Variants in DNAAF11 observed in about 807,000 individuals in gnomAD.
The protein encoded by DNAAF11 is dynein axonemal assembly factor 11.
In DNAAF11, 45 loss-of-function variants were observed where a neutral mutation model predicts 60.8. That is an observed-to-expected ratio of 0.74 (90% CI 0.58 to 0.95). The LOEUF (loss-of-function observed/expected upper bound fraction) is 0.95. DNAAF11 is among the 40% of genes least tolerant of loss of function. The pLI is 0.00. For synonymous variants in DNAAF11, 191 were observed against 183.5 expected (o/e 1.04, Z -0.33); for missense variants, 546 against 546.2 (o/e 1.00, Z 0.00).
intron 1 of DNAAF11, among the ~76,000 whole-genome samples, chr8:132,667,182 T>C (rs62514516): frequency 6.6e-6 from 1 of 152,222 alleles, no homozygotes; most frequent in Non-Finnish European, 1.5e-5. Flanking sequence ...TGTGTAGTGT[T>C]GTCATGAAAA....
the DNAAF11 span, among the ~76,000 whole-genome samples, chr8:132,693,672 G>A: frequency 1.3e-5 from 2 of 152,028 alleles, no homozygotes; most frequent in Admixed American, 1.3e-4. Context: ...GGGAAAGCAA[G>A]CAGAGGAAGG....
At chr8:132,628,869 A>T (rs1265204129) in intron 5 of DNAAF11, among the ~76,000 whole-genome samples, 1 of 152,194 alleles carries the variant, frequency 6.6e-6, no homozygotes, top group Non-Finnish European at 1.5e-5. Flanking sequence ...TTTATAAACC[A>T]AGGATAGTAA....
In DNAAF11 at chr8:132,610,271, AG is replaced by A; in HGVS notation, c.1045-11del. Reference sequence around the variant, plus strand: ...GGACAAGCTGAAATGGCTGAAAATAAGTAGAAAGAAAGTATCATTGAGAGCA... The same window carrying A: ...GGACAAGCTGAAATGGCTGAAAATAATAGAAAGAAAGTATCATTGAGAGCA... On this transcript the variant is annotated splice_polypyrimidine_tract_variant and intron_variant, in intron 9 of 11. Coordinates refer to ENST00000620350, the MANE Select transcript of DNAAF11 (RefSeq NM_012472.6). 1.3e-6 allele frequency: 2 copies of A among 1,590,556 alleles called. No individual in the cohort carries two copies. Among genetic ancestry groups the A allele is most frequent in the Non-Finnish European group, 1.7e-6 (2 of 1,158,628 alleles).
rs397515425 is a variant in DNAAF11 at position 132,632,816 on chromosome 8, C to CT, written c.576dup (p.Glu193ArgfsTer4). ...CTCTTGTCTTCATTTTTATCCTCTT[C>CT]TTGGTGTTTCCTCTGAGCCTCTTCC... On this transcript the variant is annotated frameshift_variant, in exon 5 of 12. Transcript: ENST00000620350. LOFTEE classifies it high-confidence loss of function. 2 of 1,613,994 alleles carry CT rather than the reference C, an allele frequency of 1.2e-6. No individual in the cohort carries two copies. The highest frequency in any genetic ancestry group is 1.7e-6 in the Non-Finnish European group (2 of 1,179,912).
At chr8:132,667,350 C>G (rs1824736273) in intron 1 of DNAAF11, among the ~76,000 whole-genome samples, 1 of 152,088 alleles carries the variant, frequency 6.6e-6, no homozygotes, top group African/African-American at 2.4e-5. Context: ...TTAAGTAAAG[C>G]CCTTAGCACA....
At position 132,574,509 on chromosome 8, in the gene DNAAF11, G is replaced by A. The variant is rs549456195; in HGVS notation, c.1227-2029C>T. 5.3e-5 allele frequency among the ~76,000 whole-genome samples: 8 copies of A among 152,324 alleles called. No homozygotes were observed. The East Asian group carries it at 1.5e-3, about 29-fold the overall frequency. ...CTTCCCTGATGGACATTTCATATGT[G>A]TTGTTGCAACCCATTGCAGGAGGAA... On this transcript the variant is annotated intron_variant, in intron 11 of 11. Coordinates refer to ENST00000620350, the MANE Select transcript of DNAAF11 (RefSeq NM_012472.6).
chr8:132,632,799 T>C lies in DNAAF11; in HGVS notation c.594A>G (p.Glu198=). 6.2e-7 allele frequency: 1 copy of C among 1,614,042 alleles called. No individual in the cohort carries two copies. The change falls in exon 5 of 12, where the codon GAA becomes GAG. Residue 198 remains glutamate, a synonymous_variant. Transcript: ENST00000620350. Reference sequence around the variant, plus strand: ...CAAAGCCTGCGTTACTTCTCTTGTCTTCATTTTTATCCTCTTCTTGGTGTT... The same window carrying C: ...CAAAGCCTGCGTTACTTCTCTTGTCCTCATTTTTATCCTCTTCTTGGTGTT... ...QRKHQEEDKN[E]DKRSNAGFDG... is the part of the protein sequence containing the mutation.
At chr8:132,578,912 G>A (rs1437475742) in intron 11 of DNAAF11, among the ~76,000 whole-genome samples, 2 of 152,216 alleles carry the variant, frequency 1.3e-5, no homozygotes, top group Non-Finnish European at 2.9e-5. Context: ...AGCATGCCAG[G>A]TGGGCAGTCT....
At chr8:132,670,482 T>C (rs1234661087) in intron 1 of DNAAF11, among the ~76,000 whole-genome samples, 1 of 152,188 alleles carries the variant, frequency 6.6e-6, no homozygotes, top group East Asian at 1.9e-4. Flanking sequence ...TTAAAAACCT[T>C]TCTTTCCACA....
chr8:132,613,353 A>C (rs899351487), intron 8 of DNAAF11, among the ~76,000 whole-genome samples: 1 of 152,246 alleles, frequency 6.6e-6, no homozygotes, highest in Admixed American at 6.5e-5. Flanking sequence ...TGGCCATAAA[A>C]AGGAAGGAAA....
chr8:132,617,268 G>A (rs1177049360), intron 7 of DNAAF11, among the ~76,000 whole-genome samples: 1 of 152,090 alleles, frequency 6.6e-6, no homozygotes, highest in Non-Finnish European at 1.5e-5. Context: ...AGGGAAGACA[G>A]CTGAGGAGTT....
chr8:132,586,321 C>T (rs1371247931), intron 10 of DNAAF11, among the ~76,000 whole-genome samples: 1 of 152,188 alleles, frequency 6.6e-6, no homozygotes, highest in Admixed American at 6.5e-5. Context: ...CTATCCAACA[C>T]AATAGCTACC....
chr8:132,681,619 CTA>C, the DNAAF11 span, among the ~76,000 whole-genome samples: 1 of 152,000 alleles, frequency 6.6e-6, no homozygotes, highest in African/African-American at 2.4e-5. Context: ...TTATCCATAT[CTA>C]TAGGTATAAA....
chr8:132,624,977 T>C lies in DNAAF11; in HGVS notation c.836+295A>G, dbSNP rs1272158689. Among the ~76,000 whole-genome samples the C allele has an allele frequency of 2.0e-5, 3 of 152,174 alleles. No individual in the cohort carries two copies. In the South Asian group the frequency reaches 6.2e-4, roughly 32 times the overall value. ...CCTTTTTCTAGGCTAGAAATACTAATGTATTAGTGTAACTTAATACACTAT... is the reference window on the plus strand; with the variant it reads ...CCTTTTTCTAGGCTAGAAATACTAACGTATTAGTGTAACTTAATACACTAT... On this transcript the variant is annotated intron_variant, in intron 6 of 11. Coordinates refer to ENST00000620350, the MANE Select transcript of DNAAF11 (RefSeq NM_012472.6).
In DNAAF11 at chr8:132,571,216, C is replaced by T. The variant is rs1182260637; in HGVS notation, c.*1090G>A. ...TGACTCTCCTTCACAGCTCTGAACA[C>T]CACCTGACATAGTCTGTGTGTATGT... On this transcript the variant is annotated 3_prime_UTR_variant, in exon 12 of 12. Transcript: ENST00000620350. 6.6e-6 allele frequency among the ~76,000 whole-genome samples: 1 copy of T among 152,226 alleles called. No individual in the cohort carries two copies. The highest frequency in any genetic ancestry group is 2.4e-5 in the African/African-American group (1 of 41,466).
At chr8:132,632,315 AT>A in intron 5 of DNAAF11, among the ~76,000 whole-genome samples, 1 of 152,342 alleles carries the variant, frequency 6.6e-6, no homozygotes, top group South Asian at 2.1e-4. Context: ...CACATTAAAA[AT>A]GTATTCAGTA....
chr8:132,592,071 C>T (rs369661629), intron 10 of DNAAF11, among the ~76,000 whole-genome samples: 2 of 152,102 alleles, frequency 1.3e-5, no homozygotes, highest in African/African-American at 2.4e-5. Context: ...AGCCAATATC[C>T]TCCAATTTTA....
chr8:132,612,250 G>A (rs1473814183), intron 8 of DNAAF11, among the ~76,000 whole-genome samples: 2 of 152,084 alleles, frequency 1.3e-5, no homozygotes, highest in African/African-American at 2.4e-5. Flanking sequence ...CATGTATAGT[G>A]CCCAGTACAT....
chr8:132,674,181 A>AAGGAGGAGGAGG (rs1411283543), intron 1 of DNAAF11, among the ~76,000 whole-genome samples: 43 of 82,558 alleles, frequency 5.2e-4, no homozygotes, highest in Non-Finnish European at 9.1e-4. Context: ...GGAGGAGGAG[A>AAGGAGGAGGAGG]AGGAGGAGGA....
Sources: allele counts gnomAD v4.1 joint callset (sites outside exome capture counted in the v4.1 genomes callset), GRCh38; gene constraint gnomAD v4.1.1; transcripts MANE v1.5; gene names NCBI Gene and HGNC (gene_info 2026-07-23, HGNC 2026-07-21).